The following XYLT1 variants were observed in gnomAD, a reference collection of about 807,000 sequenced individuals.
The protein encoded by XYLT1 is xylosyltransferase 1.
A neutral mutation model predicts 91.3 loss-of-function variants in XYLT1; 36 were observed. The ratio of observed to expected loss-of-function variants is 0.39; its 90% CI spans 0.30 to 0.52. The LOEUF is 0.52. XYLT1 is among the 20% of genes least tolerant of loss of function. The pLI, the probability that XYLT1 is intolerant of heterozygous loss-of-function variation, is 0.68. For missense variants in XYLT1, 1,242 were observed against 1,284.5 expected (o/e 0.97, Z 0.51); for synonymous variants, 588 against 532.0 (o/e 1.11, Z -1.45).
intron 1 of XYLT1, among the ~76,000 whole-genome samples, chr16:17,361,014 G>C (rs1358926376): frequency 1.3e-5 from 2 of 152,176 alleles, no homozygotes; most frequent in East Asian, 3.8e-4. Flanking sequence ...GCACTGAATT[G>C]GTGGCCCTCA....
intron 1 of XYLT1, among the ~76,000 whole-genome samples, chr16:17,463,956 C>G (rs1008258327): frequency 2.6e-5 from 4 of 152,140 alleles, no homozygotes; most frequent in Admixed American, 6.5e-5. Context: ...AACCGGAGGC[C>G]ATCATACTAA....
At position 17,428,708 on chromosome 16, in the gene XYLT1, G is replaced by A. The variant is rs117365234; in HGVS notation, c.363+41726C>T. 1.4e-3 allele frequency among the ~76,000 whole-genome samples: 215 copies of A among 152,312 alleles called. 3 individuals are homozygous for A. The East Asian group carries it at 0.038, about 27-fold the overall frequency. On this transcript the variant is annotated intron_variant, in intron 1 of 11. Coordinates refer to ENST00000261381, the MANE Select transcript of XYLT1 (RefSeq NM_022166.4). ...CCCTTGCCGCCAGGGGTTTCGGGAA[G>A]CTTTCGGCCGTGTGGTAGTTTTCCA...
chr16:17,466,708 T>A (rs1302832277), intron 1 of XYLT1, among the ~76,000 whole-genome samples: 1 of 152,234 alleles, frequency 6.6e-6, no homozygotes, highest in Non-Finnish European at 1.5e-5. Flanking sequence ...ATATTAGAAT[T>A]CATATTACAA....
At chr16:17,371,144 C>T (rs1031716129) in intron 1 of XYLT1, among the ~76,000 whole-genome samples, 2 of 152,170 alleles carry the variant, frequency 1.3e-5, no homozygotes, top group African/African-American at 4.8e-5. Flanking sequence ...TGAATGCACA[C>T]CCAGGAATAC....
intron 1 of XYLT1, among the ~76,000 whole-genome samples, chr16:17,467,240 G>A (rs925604054): frequency 2.6e-5 from 4 of 152,118 alleles, no homozygotes; most frequent in Admixed American, 6.6e-5. Flanking sequence ...CTAAGAACAC[G>A]AGCAATAAAT....
chr16:17,308,912 T>C (rs142354824), intron 2 of XYLT1, among the ~76,000 whole-genome samples: 8 of 151,940 alleles, frequency 5.3e-5, no homozygotes, highest in African/African-American at 1.4e-4. Flanking sequence ...TGGCGCAAAA[T>C]AGCGGATACT....
At chr16:17,429,051 C>T (rs2036355469) in intron 1 of XYLT1, among the ~76,000 whole-genome samples, 1 of 152,144 alleles carries the variant, frequency 6.6e-6, no homozygotes, top group Admixed American at 6.5e-5. Flanking sequence ...GATGGGAGCC[C>T]AATTTCTTTA....
intron 2 of XYLT1, among the ~76,000 whole-genome samples, chr16:17,302,669 T>C (rs1020690835): frequency 6.6e-6 from 1 of 152,214 alleles, no homozygotes; most frequent in Non-Finnish European, 1.5e-5. Context: ...CCTTTCTTTG[T>C]CTCAGTTTTA....
intron 2 of XYLT1, chr16:17,355,484 C>A (rs66467937): frequency 0.53 from 79,806 of 151,974 alleles, 24,383 homozygotes; most frequent in African/African-American, 0.84. Context: ...CTCATAGTCC[C>A]TGGGGTAGAC....
At chr16:17,277,894 C>A (rs903654252) in intron 2 of XYLT1, among the ~76,000 whole-genome samples, 1 of 152,062 alleles carries the variant, frequency 6.6e-6, no homozygotes, top group African/African-American at 2.4e-5. Flanking sequence ...AGGCTCACAG[C>A]GGTTATCTCA....
chr16:17,184,184 G>GTTT (rs1567312504), intron 5 of XYLT1, among the ~76,000 whole-genome samples: 14 of 79,054 alleles, frequency 1.8e-4, no homozygotes, highest in Non-Finnish European at 2.8e-4. Flanking sequence ...ATAAAAGACG[G>GTTT]CTTTTTTTTT....
intron 2 of XYLT1, among the ~76,000 whole-genome samples, chr16:17,274,014 T>C (rs867917372): frequency 1.3e-5 from 2 of 151,604 alleles, no homozygotes; most frequent in Non-Finnish European, 1.5e-5. Context: ...CGGGTTCAAG[T>C]GATTCTCCTG....
intron 1 of XYLT1, among the ~76,000 whole-genome samples, chr16:17,420,148 ATAATT>A (rs2036233759): frequency 6.6e-6 from 1 of 152,254 alleles, no homozygotes; most frequent in African/African-American, 2.4e-5. Flanking sequence ...ACTAGCAAAA[ATAATT>A]TAATTAATGT....
At chr16:17,261,375 T>C (rs1169754839) in intron 2 of XYLT1, among the ~76,000 whole-genome samples, 2 of 152,166 alleles carry the variant, frequency 1.3e-5, no homozygotes, top group African/African-American at 2.4e-5. Context: ...AGCTGAGTAC[T>C]GCTATGACTT....
At chr16:17,311,836 G>T (rs35878488) in intron 2 of XYLT1, among the ~76,000 whole-genome samples, 31,546 of 151,632 alleles carry the variant, frequency 0.21, 3,499 homozygotes, top group Non-Finnish European at 0.24. Context: ...CATGGCAGCA[G>T]GCAAAAGGAA....
intron 1 of XYLT1, among the ~76,000 whole-genome samples, chr16:17,397,919 T>C (rs1567188395): frequency 6.8e-6 from 1 of 146,958 alleles, no homozygotes; most frequent in Non-Finnish European, 1.5e-5. Flanking sequence ...GCCTCCCGGG[T>C]TCAAGCGATT....
chr16:17,282,471 T>A (rs2034072470), intron 2 of XYLT1, among the ~76,000 whole-genome samples: 1 of 152,204 alleles, frequency 6.6e-6, no homozygotes, highest in African/African-American at 2.4e-5. Flanking sequence ...CAACATTTGG[T>A]TTGCCTTGCT....
At chr16:17,263,577 T>A (rs1389311584) in intron 2 of XYLT1, among the ~76,000 whole-genome samples, 1 of 151,842 alleles carries the variant, frequency 6.6e-6, no homozygotes, top group Non-Finnish European at 1.5e-5. Flanking sequence ...CTAGATCGCT[T>A]CCAGAAAAGT....
Position 17,286,071 on chromosome 16 carries a change from G to T in XYLT1, c.403-26573C>A, listed in dbSNP as rs993350119. Among the ~76,000 whole-genome samples the T allele has an allele frequency of 2.6e-5, 4 of 152,260 alleles. No homozygotes were observed. The South Asian group carries it at 8.3e-4, about 32-fold the overall frequency. The stretch of plus-strand genomic sequence containing the variant: ...CTCTCTGCTAATCACTAACTTTCAT[G>T]ATCTTCTCTGACCCTCACAATAAAC... On this transcript the variant is annotated intron_variant, in intron 2 of 11. Transcript: ENST00000261381.
Sources: gnomAD v4.1 joint callset for allele counts (sites outside exome capture counted in the v4.1 genomes callset) on GRCh38, gnomAD v4.1.1 for gene constraint, MANE v1.5 for transcripts, NCBI Gene and HGNC (gene_info 2026-07-23, HGNC 2026-07-21) for gene names.